The following FHIT variants were observed in gnomAD, a reference collection of about 807,000 sequenced individuals.
The protein encoded by FHIT is bis(5'-adenosyl)-triphosphatase.
In FHIT, 19 loss-of-function variants were observed where a neutral mutation model predicts 17.9. That is an observed-to-expected ratio of 1.06 (90% CI 0.74 to 1.56). FHIT has a LOEUF of 1.56. Among genes scored for constraint, FHIT ranks in the 40% most tolerant of loss-of-function variants. FHIT has a pLI of 0.00. For missense variants in FHIT, 248 were observed against 189.2 expected, an observed-to-expected ratio of 1.31 and a Z score of -1.82; for synonymous variants, 81 against 69.7, an observed-to-expected ratio of 1.16 and a Z score of -0.81.
chr3:59,941,947 G>T (rs1427194979), intron 7 of FHIT, among the ~76,000 whole-genome samples: 1 of 152,080 alleles, frequency 6.6e-6, no homozygotes, highest in Admixed American at 6.5e-5. Flanking sequence ...TTGGATGAGA[G>T]CTCACTCCTC....
At chr3:59,751,167 A>AGATATATGCCAGTATT (rs2106723091) in intron 9 of FHIT, 1 of 180,046 alleles carries the variant, frequency 5.6e-6, no homozygotes, top group East Asian at 9.2e-5. Context: ...TTTTTAGTCT[A>AGATATATGCCAGTATT]GATATATGCC....
At chr3:59,971,901 T>A (rs944645193) in intron 7 of FHIT, among the ~76,000 whole-genome samples, 3 of 152,148 alleles carry the variant, frequency 2.0e-5, no homozygotes, top group Non-Finnish European at 4.4e-5. Flanking sequence ...AATCAGAAAT[T>A]GCACCAACGT....
intron 5 of FHIT, among the ~76,000 whole-genome samples, chr3:60,388,295 C>T (rs9868281): frequency 0.29 from 44,634 of 152,026 alleles, 7,488 homozygotes; most frequent in Non-Finnish European, 0.38. Context: ...GCACAAGGCA[C>T]GTCTCTTGAG....
At chr3:60,054,852 T>G (rs1471011819) in intron 5 of FHIT, among the ~76,000 whole-genome samples, 1 of 152,190 alleles carries the variant, frequency 6.6e-6, no homozygotes, top group Non-Finnish European at 1.5e-5. Context: ...GCCTCCGCAA[T>G]AATAATAGCA....
At chr3:60,031,128 A>G (rs949073415) in intron 5 of FHIT, among the ~76,000 whole-genome samples, 3 of 152,196 alleles carry the variant, frequency 2.0e-5, no homozygotes, top group Non-Finnish European at 4.4e-5. Context: ...TAAGCTCAAG[A>G]AGAGTCAACA....
At position 60,927,011 on chromosome 3, in the gene FHIT, C is replaced by G. The variant is rs1253305940; in HGVS notation, c.-110-105000G>C. On this transcript the variant is annotated intron_variant, in intron 3 of 9. Coordinates refer to ENST00000492590, the MANE Select transcript of FHIT (RefSeq NM_002012.4). ...CCCGCTTTCCACGGTGCCCCCCTCCCTCGTCTCCGTCTCCCACTTTCCACG... is the reference window on the plus strand; with the variant it reads ...CCCGCTTTCCACGGTGCCCCCCTCCGTCGTCTCCGTCTCCCACTTTCCACG... 2.0e-5 allele frequency among the ~76,000 whole-genome samples: 3 copies of G among 152,278 alleles called. No individual in the cohort carries two copies. In the East Asian group the frequency reaches 5.8e-4, roughly 29 times the overall value.
chr3:60,856,732 C>T (rs1409877901), intron 3 of FHIT: 1 of 152,374 alleles, frequency 6.6e-6, no homozygotes, highest in Non-Finnish European at 1.5e-5. Context: ...CTTCATTGTC[C>T]ATCCCTGCCT....
chr3:60,203,741 G>A (rs1449621556), intron 5 of FHIT, among the ~76,000 whole-genome samples: 2 of 152,030 alleles, frequency 1.3e-5, no homozygotes, highest in African/African-American at 4.8e-5. Flanking sequence ...ATGCAAGAGA[G>A]ATGATAGTTA....
rs972848960 is a variant in FHIT, at chr3:60,040,988, G to A, written c.104-26836C>T. ...TTGCTCCCCTAAAAGCTAGAAAGGG[G>A]GGTTTACAAAGGAGATAAACCACAG... On this transcript the variant is annotated intron_variant, in intron 5 of 9. Coordinates refer to ENST00000492590, the MANE Select transcript of FHIT (RefSeq NM_002012.4). Among the ~76,000 whole-genome samples the A allele has an allele frequency of 7.2e-5, 11 of 152,082 alleles. No individual in the cohort carries two copies. The South Asian group carries it at 2.3e-3, about 32-fold the overall frequency.
intron 5 of FHIT, among the ~76,000 whole-genome samples, chr3:60,094,974 A>G (rs576817146): frequency 6.6e-4 from 100 of 152,360 alleles, no homozygotes; most frequent in Non-Finnish European, 1.2e-3. Context: ...AGTCTTGATC[A>G]TGATCAGAAG....
At chr3:60,505,756 C>T (rs6768625) in intron 5 of FHIT, among the ~76,000 whole-genome samples, 67,845 of 151,998 alleles carry the variant, frequency 0.45, 15,429 homozygotes, top group African/African-American at 0.51. Context: ...AAGATGTTGA[C>T]AAACTCTTAG....
intron 5 of FHIT, among the ~76,000 whole-genome samples, chr3:60,486,374 A>G (rs9818349): frequency 0.18 from 27,520 of 152,020 alleles, 2,990 homozygotes; most frequent in East Asian, 0.48. Context: ...GGATCACAAA[A>G]AGAGCTGAAC....
At chr3:60,238,216 T>C (rs1482893149) in intron 5 of FHIT, among the ~76,000 whole-genome samples, 1 of 151,734 alleles carries the variant, frequency 6.6e-6, no homozygotes, top group Non-Finnish European at 1.5e-5. Context: ...CTCCCTTTCT[T>C]AATGAGTTCC....
At chr3:60,422,537 G>A (rs889493641) in intron 5 of FHIT, among the ~76,000 whole-genome samples, 1 of 151,882 alleles carries the variant, frequency 6.6e-6, no homozygotes, top group Non-Finnish European at 1.5e-5. Context: ...TGTTGTTATT[G>A]CTATTGTTGA....
chr3:60,154,253 A>G (rs1356141298), intron 5 of FHIT, among the ~76,000 whole-genome samples: 2 of 152,016 alleles, frequency 1.3e-5, no homozygotes, highest in Non-Finnish European at 2.9e-5. Flanking sequence ...TCCGGCATAT[A>G]TGAGTCAATA....
intron 5 of FHIT, among the ~76,000 whole-genome samples, chr3:60,031,694 T>C (rs1701008651): frequency 6.6e-6 from 1 of 152,188 alleles, no homozygotes; most frequent in Admixed American, 6.5e-5. Context: ...CCTAAAAATA[T>C]AACTGACTCA....
intron 3 of FHIT, among the ~76,000 whole-genome samples, chr3:61,032,584 C>T (rs1419447978): frequency 6.6e-6 from 1 of 152,124 alleles, no homozygotes; most frequent in Non-Finnish European, 1.5e-5. Flanking sequence ...TTCCCAGAGG[C>T]CAGACATATT....
chr3:60,713,575 A>G (rs1256940655), intron 4 of FHIT, among the ~76,000 whole-genome samples: 11 of 152,236 alleles, frequency 7.2e-5, no homozygotes. Context: ...AATAGACACA[A>G]TAAAAAATGA....
intron 2 of FHIT, among the ~76,000 whole-genome samples, chr3:61,050,128 T>C (rs939621479): frequency 6.6e-6 from 1 of 152,228 alleles, no homozygotes; most frequent in African/African-American, 2.4e-5. Context: ...CACATGAAAC[T>C]TATATTAAAT....
Sources: gnomAD v4.1 joint callset for allele counts (sites outside exome capture counted in the v4.1 genomes callset) on GRCh38, gnomAD v4.1.1 for gene constraint, MANE v1.5 for transcripts, NCBI Gene and HGNC (gene_info 2026-07-23, HGNC 2026-07-21) for gene names.